Variants in SND1 observed in about 807,000 individuals in gnomAD.
The protein encoded by SND1 is staphylococcal nuclease and tudor domain containing 1.
SND1 carries 38 observed loss-of-function variants against 121.7 expected under a neutral mutation model. That is an observed-to-expected ratio of 0.31 (90% CI 0.24 to 0.41). SND1 has a LOEUF of 0.41. Among genes scored for constraint, SND1 ranks in the 10% least tolerant of loss-of-function variants. The pLI is 1.00. For missense variants in SND1, 868 were observed against 1,184.6 expected (o/e 0.73, Z 3.92); for synonymous variants, 401 against 447.4 (o/e 0.90, Z 1.31).
At chr7:127,727,982 T>C (rs1052213211) in intron 10 of SND1, among the ~76,000 whole-genome samples, 1 of 152,154 alleles carries the variant, frequency 6.6e-6, no homozygotes, top group Non-Finnish European at 1.5e-5. Flanking sequence ...GTAGAGGTCA[T>C]GGAGTAGGGG....
chr7:127,767,196 GC>G (rs1277867940), intron 10 of SND1, among the ~76,000 whole-genome samples: 1 of 152,164 alleles, frequency 6.6e-6, no homozygotes, highest in Non-Finnish European at 1.5e-5. Context: ...TAGGTGTGGT[GC>G]CGTTCTCCTC....
intron 1 of SND1, among the ~76,000 whole-genome samples, chr7:127,660,873 A>G (rs1041865645): frequency 1.3e-5 from 2 of 152,102 alleles, no homozygotes; most frequent in Non-Finnish European, 2.9e-5. Context: ...CATCAGGACA[A>G]CCTAGAAGAC....
chr7:128,080,196 A>G (rs962132821), intron 17 of SND1, among the ~76,000 whole-genome samples: 15 of 152,172 alleles, frequency 9.9e-5, no homozygotes, highest in African/African-American at 3.6e-4. Context: ...CCCACGCGTG[A>G]TCCATTCTCT....
chr7:128,069,573 A>G (rs919502819), intron 16 of SND1, among the ~76,000 whole-genome samples: 2 of 152,170 alleles, frequency 1.3e-5, no homozygotes, highest in South Asian at 2.1e-4. Flanking sequence ...TTCCTTCCCC[A>G]TGGAGCTGAC....
In SND1 at chr7:127,652,330, C is replaced by T; in HGVS notation, c.-44C>T. ...ACACCGACACCCACATTGACACCTC[C>T]AGTCCGGCCAGCCGCTCCACTCGTT... On this transcript the variant is annotated 5_prime_UTR_variant, in exon 1 of 24. Transcript: ENST00000354725. 1 of 1,522,430 alleles carries T rather than the reference C, an allele frequency of 6.6e-7. No individual in the cohort carries two copies. The highest frequency in any genetic ancestry group is 9.0e-7 in the Non-Finnish European group (1 of 1,116,746). 94.3% of individuals were successfully genotyped at this position (1,522,430 alleles called of 1,614,324 possible). A position where few individuals can be genotyped will look rare whatever the true frequency, so the allele number is the denominator to read the frequency against.
At chr7:127,958,909 A>G (rs761597058) in intron 15 of SND1, among the ~76,000 whole-genome samples, 1 of 152,196 alleles carries the variant, frequency 6.6e-6, no homozygotes, top group Non-Finnish European at 1.5e-5. Flanking sequence ...AGTTGAGGGT[A>G]CAGGGATGAT....
chr7:128,018,157 G>A (rs1803268150), intron 16 of SND1, among the ~76,000 whole-genome samples: 2 of 152,250 alleles, frequency 1.3e-5, no homozygotes, highest in African/African-American at 2.4e-5. Context: ...AAAGTCCTGT[G>A]TGTCAGCAAA....
At chr7:127,721,088 G>A (rs1195703500) in intron 9 of SND1, among the ~76,000 whole-genome samples, 199 bp from the exon 10 acceptor site, 4 of 152,152 alleles carry the variant, frequency 2.6e-5, no homozygotes, top group African/African-American at 9.7e-5. Flanking sequence ...GTCTCATTGA[G>A]AAATCATAAT....
intron 11 of SND1, among the ~76,000 whole-genome samples, chr7:127,838,808 T>C (rs955781360): frequency 1.3e-5 from 2 of 152,196 alleles, no homozygotes; most frequent in Admixed American, 6.5e-5. Flanking sequence ...ATGTATGTAT[T>C]TGTGTATGTG....
At chr7:128,064,577 G>A (rs1003846110) in intron 16 of SND1, among the ~76,000 whole-genome samples, 1 of 152,204 alleles carries the variant, frequency 6.6e-6, no homozygotes, top group Non-Finnish European at 1.5e-5. Flanking sequence ...CATAGTGAAG[G>A]TGAGAGATTC....
chr7:127,748,969 C>T (rs1797029692), intron 10 of SND1, among the ~76,000 whole-genome samples: 1 of 152,078 alleles, frequency 6.6e-6, no homozygotes, highest in African/African-American at 2.4e-5. Flanking sequence ...GCTGTGCACC[C>T]CCCATGAAGT....
intron 16 of SND1, among the ~76,000 whole-genome samples, chr7:127,993,414 A>G (rs1284789353): frequency 6.6e-6 from 1 of 152,250 alleles, no homozygotes; most frequent in Non-Finnish European, 1.5e-5. Context: ...TCCTGGATGC[A>G]GAGGTCCTTC....
Position 127,787,256 on chromosome 7 carries a change from A to T in SND1, c.1153-20228A>T, listed in dbSNP as rs549289032. Among the ~76,000 whole-genome samples the T allele has an allele frequency of 2.6e-5, 4 of 151,294 alleles. No homozygotes were observed. The South Asian group carries it at 8.4e-4, about 32-fold the overall frequency. On this transcript the variant is annotated intron_variant, in intron 10 of 23. Transcript: ENST00000354725. ...TTTGTTTGTTTGTTTTTGAGGGGGG[A>T]CAGGGCCTTGCTCTGTTACCCAGGT...
chr7:128,016,406 G>A (rs1222991491), intron 16 of SND1, among the ~76,000 whole-genome samples: 1 of 152,034 alleles, frequency 6.6e-6, no homozygotes, highest in Non-Finnish European at 1.5e-5. Flanking sequence ...ATACTTTACT[G>A]GCACCTAAGG....
intron 13 of SND1, among the ~76,000 whole-genome samples, chr7:127,902,136 CT>C (rs1278170690): frequency 6.6e-6 from 1 of 152,170 alleles, no homozygotes; most frequent in Non-Finnish European, 1.5e-5. Context: ...CCTCGAGGAT[CT>C]TTGCTTTCTA....
chr7:128,071,970 G>T (rs1302379631), intron 16 of SND1, among the ~76,000 whole-genome samples: 7 of 152,222 alleles, frequency 4.6e-5, no homozygotes, highest in African/African-American at 1.7e-4. Flanking sequence ...CGACAGGCTG[G>T]TTAAGTGTGA....
intron 16 of SND1, among the ~76,000 whole-genome samples, chr7:128,018,243 G>C (rs1308008811): frequency 6.6e-6 from 1 of 152,204 alleles, no homozygotes; most frequent in Non-Finnish European, 1.5e-5. Context: ...ACAAAGAAAG[G>C]TCATCGGAGC....
intron 16 of SND1, among the ~76,000 whole-genome samples, chr7:128,003,943 G>A (rs1802898977): frequency 6.6e-6 from 1 of 152,076 alleles, no homozygotes; most frequent in Admixed American, 6.5e-5. Flanking sequence ...CTGCAGACGT[G>A]GCCATTTCCA....
At position 127,802,083 on chromosome 7, in the gene SND1, G is replaced by T. The variant is rs571582880; in HGVS notation, c.1153-5401G>T. The stretch of plus-strand genomic sequence containing the variant: ...GATGGTCTTGATCTCCTGACCTCAT[G>T]ATCCACCTTCCTTGGCCTCCCAAAG... On this transcript the variant is annotated intron_variant, in intron 10 of 23. Transcript: ENST00000354725. Among the ~76,000 whole-genome samples the T allele has an allele frequency of 4.6e-5, 7 of 152,174 alleles. No homozygotes were observed. The South Asian group carries it at 1.5e-3, about 32-fold the overall frequency.
Sources: allele counts gnomAD v4.1 joint callset (sites outside exome capture counted in the v4.1 genomes callset), GRCh38; gene constraint gnomAD v4.1.1; transcripts MANE v1.5; gene names NCBI Gene and HGNC (gene_info 2026-07-23, HGNC 2026-07-21).